FHIT: variants seen among roughly 807,000 people sequenced by gnomAD.
FHIT encodes bis(5'-adenosyl)-triphosphatase.
Under a neutral mutation model 17.9 loss-of-function variants are expected in FHIT, and 19 were observed. That is an observed-to-expected ratio of 1.06 (90% CI 0.74 to 1.56). The LOEUF is 1.56. Ranked by LOEUF, FHIT falls within the 40% of genes most tolerant of loss-of-function variation. FHIT has a pLI of 0.00. For synonymous variants in FHIT, 81 were observed against 69.7 expected, an observed-to-expected ratio of 1.16 and a Z score of -0.81; for missense variants, 248 against 189.2, an observed-to-expected ratio of 1.31 and a Z score of -1.82.
chr3:60,569,757 T>TATA (rs1449802542), intron 4 of FHIT, among the ~76,000 whole-genome samples: 167 of 21,652 alleles, frequency 7.7e-3, no homozygotes, highest in Non-Finnish European at 0.011. Flanking sequence ...ATATATATAT[T>TATA]TTTTTTTTTT....
intron 7 of FHIT, among the ~76,000 whole-genome samples, chr3:59,951,005 G>T (rs868251061): frequency 6.6e-6 from 1 of 152,176 alleles, no homozygotes; most frequent in African/African-American, 2.4e-5. Context: ...ATGGCAGCAG[G>T]AGCCCTTGCT....
chr3:59,923,012 C>T (rs1028155652), intron 7 of FHIT, among the ~76,000 whole-genome samples: 21 of 151,940 alleles, frequency 1.4e-4, no homozygotes, highest in Admixed American at 5.9e-4. Context: ...GTAATCCCAG[C>T]ACTTTGGGAG....
intron 3 of FHIT, among the ~76,000 whole-genome samples, chr3:61,016,741 C>A (rs2032129833): frequency 6.6e-6 from 1 of 152,214 alleles, no homozygotes; most frequent in South Asian, 2.1e-4. Context: ...TTTGGCTCCC[C>A]AGAGCATGTG....
intron 5 of FHIT, among the ~76,000 whole-genome samples, chr3:60,106,866 C>T (rs912436311): frequency 6.6e-6 from 1 of 152,146 alleles, no homozygotes; most frequent in African/African-American, 2.4e-5. Context: ...ATACCTTAAA[C>T]AAAAGTGTAT....
intron 5 of FHIT, among the ~76,000 whole-genome samples, chr3:60,328,432 G>A (rs1414392349): frequency 6.6e-6 from 1 of 152,194 alleles, no homozygotes; most frequent in Non-Finnish European, 1.5e-5. Flanking sequence ...GAAGAGTAAA[G>A]GCATGTCTGA....
At position 60,014,108 on chromosome 3, in the gene FHIT, G is replaced by C. The variant is rs1029018513; in HGVS notation, c.148C>G (p.Leu50Val). ...PLRPVERFHD[L>V]RPDEVADLFQ... ...AAATCGGCCACTTCATCAGGACGCA[G>C]GTCATGGAAGCGCTCCACTGGCCGC... The change falls in exon 6 of 10, where the codon CTG becomes GTG. Residue 50 changes from leucine (L) to valine (V), a missense_variant. Leu to Val is a conservative substitution (Grantham distance 32). Transcript: ENST00000492590. 4 of 1,614,102 alleles carry C rather than the reference G, an allele frequency of 2.5e-6. No homozygotes were observed.
chr3:59,954,386 G>A (rs981183148), intron 7 of FHIT, among the ~76,000 whole-genome samples: 1 of 152,148 alleles, frequency 6.6e-6, no homozygotes, highest in African/African-American at 2.4e-5. Flanking sequence ...GAAAAGCTCT[G>A]TGCTAGTGCT....
intron 5 of FHIT, among the ~76,000 whole-genome samples, chr3:60,300,272 A>G (rs1232889556): frequency 6.6e-6 from 1 of 152,190 alleles, no homozygotes; most frequent in African/African-American, 2.4e-5. Context: ...AAAAAACTAA[A>G]ATCTTTCTCT....
At chr3:60,878,093 C>T (rs1229574898) in intron 3 of FHIT, among the ~76,000 whole-genome samples, 1 of 152,156 alleles carries the variant, frequency 6.6e-6, no homozygotes, top group Non-Finnish European at 1.5e-5. Flanking sequence ...AACTCTGCTT[C>T]TTTCCCAGAG....
At chr3:60,097,455 A>T (rs1704001644) in intron 5 of FHIT, among the ~76,000 whole-genome samples, 2 of 152,134 alleles carry the variant, frequency 1.3e-5, no homozygotes, top group Non-Finnish European at 2.9e-5. Flanking sequence ...CAGGGAAAAC[A>T]GGTCTACCTT....
intron 2 of FHIT, among the ~76,000 whole-genome samples, chr3:61,163,474 T>C (rs527767806): frequency 6.6e-6 from 1 of 152,276 alleles, no homozygotes; most frequent in African/African-American, 2.4e-5. Context: ...CCCCAAAATA[T>C]GGCATGTCGG....
intron 5 of FHIT, among the ~76,000 whole-genome samples, chr3:60,254,052 T>A (rs956283183): frequency 6.6e-6 from 1 of 152,202 alleles, no homozygotes; most frequent in Non-Finnish European, 1.5e-5. Context: ...TTTTATCATA[T>A]CTGCTTTCTC....
chr3:60,827,962 G>C (rs1273783554), intron 3 of FHIT, among the ~76,000 whole-genome samples: 2 of 152,222 alleles, frequency 1.3e-5, no homozygotes, highest in African/African-American at 4.8e-5. Context: ...TTGTGGACTT[G>C]AGAATGCTTT....
chr3:60,899,128 G>C (rs1705976018), intron 3 of FHIT, among the ~76,000 whole-genome samples: 1 of 152,180 alleles, frequency 6.6e-6, no homozygotes, highest in Non-Finnish European at 1.5e-5. Flanking sequence ...GGTTCCAAAA[G>C]CTTAGGAAAA....
rs552716977 is a variant in FHIT at position 61,154,379 on chromosome 3, C to T, written c.-164+46238G>A. Among the ~76,000 whole-genome samples, 9 of 151,938 alleles carry T rather than the reference C, an allele frequency of 5.9e-5. No homozygotes were observed. In the East Asian group the frequency reaches 1.5e-3, roughly 26 times the overall value. ...AAACATGATAATGTAGAAGGAAGAA[C>T]CTGCAGAATCAGAAAGGGGGGAAAA... On this transcript the variant is annotated intron_variant, in intron 2 of 9. Transcript: ENST00000492590.
chr3:61,037,797 C>T (rs1041851248), intron 3 of FHIT, among the ~76,000 whole-genome samples: 38 of 152,132 alleles, frequency 2.5e-4, no homozygotes, highest in African/African-American at 9.2e-4. Context: ...AAATGCAGAC[C>T]CTTGATCTTA....
rs772617662 is a variant in FHIT at position 60,301,584 on chromosome 3, A to C, written c.103+235276T>G. On this transcript the variant is annotated intron_variant, in intron 5 of 9. Transcript: ENST00000492590. ...CCAAAACCTTCTCCTACCCTTCTCC[A>C]GTTCCTTTTGACATACCCCCCAGTT... is the stretch of plus-strand genomic sequence containing the variant. 5.9e-5 allele frequency among the ~76,000 whole-genome samples: 9 copies of C among 152,228 alleles called. No homozygotes were observed. The Middle Eastern group carries it at 0.01, about 173-fold the overall frequency.
At position 61,204,752 on chromosome 3, in the gene FHIT, C is replaced by T. The variant is rs148164768; in HGVS notation, c.-212-4087G>A. On this transcript the variant is annotated intron_variant, in intron 1 of 9. Coordinates refer to ENST00000492590, the MANE Select transcript of FHIT (RefSeq NM_002012.4). ...GAAATAGGAACCAAAAAAAAGCTGA[C>T]GGAATAAGTTATTGTTAGGCATGAC... is the stretch of plus-strand genomic sequence containing the variant. 2.7e-4 allele frequency among the ~76,000 whole-genome samples: 41 copies of T among 151,962 alleles called. 1 individual carries two copies. The highest frequency in any genetic ancestry group is 1.9e-3 in the East Asian group (10 of 5,172).
chr3:60,484,948 A>G (rs2033771754), intron 5 of FHIT, among the ~76,000 whole-genome samples: 1 of 152,182 alleles, frequency 6.6e-6, no homozygotes, highest in Non-Finnish European at 1.5e-5. Context: ...AGGAACTTAA[A>G]CAAATTTACA....
Sources: allele counts gnomAD v4.1 joint callset (sites outside exome capture counted in the v4.1 genomes callset), GRCh38; gene constraint gnomAD v4.1.1; transcripts MANE v1.5; gene names NCBI Gene and HGNC (gene_info 2026-07-23, HGNC 2026-07-21).